The following UTP4 variants were observed in gnomAD, a reference collection of about 807,000 sequenced individuals.
The protein encoded by UTP4 is U3 small nucleolar RNA-associated protein 4 homolog.
Under a neutral mutation model 82.4 loss-of-function variants are expected in UTP4, and 45 were observed. The ratio of observed to expected loss-of-function variants is 0.55; its 90% confidence interval spans 0.43 to 0.70. UTP4 has a LOEUF of 0.70. Among genes scored for constraint, UTP4 ranks in the 30% least tolerant of loss-of-function variants. UTP4 has a pLI of 0.00. For synonymous variants in UTP4, 348 were observed against 300.3 expected (o/e 1.16, Z -1.64); for missense variants, 819 against 858.3 (o/e 0.95, Z 0.57).
At position 69,165,345 on chromosome 16, in the gene UTP4, T is replaced by G. The variant is rs1315630086; in HGVS notation, c.1652T>G (p.Phe551Cys). 6.2e-7 allele frequency: 1 copy of G among 1,614,014 alleles called. No individual in the cohort carries two copies. The highest frequency in any genetic ancestry group is 1.3e-5 in the African/African-American group (1 of 74,922). Residue 551 changes from phenylalanine (F) to cysteine (C), a missense_variant, in exon 15 of 17, where the codon TTT becomes TGT. Transcript: ENST00000314423. Reference protein sequence around the residue: ...LVIAHSDQQVFEYSIPDKQYT... With the variant: ...LVIAHSDQQVCEYSIPDKQYT... Reference sequence around the variant, plus strand: ...CTATGTCATGTCCTCCCTCAGGTATTTGAGTACAGCATCCCAGACAAACAG... The same window carrying G: ...CTATGTCATGTCCTCCCTCAGGTATGTGAGTACAGCATCCCAGACAAACAG...
intron 1 of UTP4, 78 bp from the exon 2 acceptor site, chr16:69,133,380 G>A (rs1962703097): frequency 7.2e-7 from 1 of 1,395,810 alleles, no homozygotes; most frequent in African/African-American, 1.4e-5. Context: ...CCAGAACAGT[G>A]ATATTAAGGA....
chr16:69,167,368 G>A, intron 16 of UTP4, 183 bp downstream of exon 16: 1 of 613,306 alleles, frequency 1.6e-6, no homozygotes, highest in East Asian at 2.8e-5. Flanking sequence ...TCTTGCCTTA[G>A]TAGGTTAGAG....
At chr16:69,147,015 AAAAAATAC>A (rs1221284593) in intron 6 of UTP4, among the ~76,000 whole-genome samples, 5 of 148,700 alleles carry the variant, frequency 3.4e-5, no homozygotes, top group African/African-American at 4.9e-5. Flanking sequence ...AAAAAAAAAA[AAAAAATAC>A]AAAAATTAGC....
chr16:69,146,935 G>A (rs1390002757), intron 6 of UTP4, among the ~76,000 whole-genome samples: 6 of 150,226 alleles, frequency 4.0e-5, no homozygotes, highest in African/African-American at 7.3e-5. Flanking sequence ...CCAGAGAGGC[G>A]GAGCTTGCAT....
chr16:69,151,009 C>CT (rs764679119), intron 8 of UTP4, 105 bp downstream of exon 8: 39,664 of 677,882 alleles, frequency 0.059, no homozygotes, highest in Middle Eastern at 0.077. Flanking sequence ...ATTTGTAGGA[C>CT]TTTTTTTTTT....
chr16:69,136,178 A>G (rs1303976754), intron 2 of UTP4, among the ~76,000 whole-genome samples: 1 of 152,254 alleles, frequency 6.6e-6, no homozygotes, highest in African/African-American at 2.4e-5. Context: ...GAAAAATTAT[A>G]CCTACTTAGT....
chr16:69,146,368 A>G (rs1284771756), intron 6 of UTP4, among the ~76,000 whole-genome samples: 4 of 152,076 alleles, frequency 2.6e-5, no homozygotes, highest in African/African-American at 9.7e-5. Flanking sequence ...TTCTGTTCCT[A>G]TGAATTTGCT....
chr16:69,143,506 A>G, intron 6 of UTP4, 117 bp downstream of exon 6: 2 of 923,626 alleles, frequency 2.2e-6, no homozygotes. Context: ...GTACTGGAGG[A>G]AGATGAGTTT....
chr16:69,135,465 C>A (rs944631466), intron 2 of UTP4, among the ~76,000 whole-genome samples: 6 of 152,010 alleles, frequency 3.9e-5, no homozygotes, highest in African/African-American at 1.5e-4. Context: ...GTAAACCCAG[C>A]GCTTTGGGAA....
At chr16:69,164,349 T>C (rs1408832078) in intron 14 of UTP4, among the ~76,000 whole-genome samples, 4 of 152,068 alleles carry the variant, frequency 2.6e-5, no homozygotes, top group Non-Finnish European at 5.9e-5. Flanking sequence ...CACCTTTTAC[T>C]GGCACTTAGT....
chr16:69,144,200 C>CT (rs774169593), intron 6 of UTP4, among the ~76,000 whole-genome samples: 3,020 of 140,592 alleles, frequency 0.021, 27 homozygotes, highest in Non-Finnish European at 0.028. Flanking sequence ...TTTTCTCTCT[C>CT]TTTTTTTTTT....
intron 14 of UTP4, among the ~76,000 whole-genome samples, chr16:69,164,607 T>TAG (rs1963653769): frequency 1.4e-5 from 2 of 139,146 alleles, no homozygotes; most frequent in South Asian, 2.1e-4. Flanking sequence ...TATATATATA[T>TAG]ATATATATGT....
Position 69,137,843 on chromosome 16 carries a change from C to T in UTP4, c.394C>T (p.Pro132Ser). ...ATCTGTGAAACTATTTCAAATTACCCCAGACAAAATCCAGTTTGAAAGAAA... is the reference window on the plus strand; with the variant it reads ...ATCTGTGAAACTATTTCAAATTACCTCAGACAAAATCCAGTTTGAAAGAAA... ...DGSVKLFQITPDKIQFERNFD... is the reference protein window; with the variant it reads ...DGSVKLFQITSDKIQFERNFD... Residue 132 changes from proline (P) to serine (S), a missense_variant, in exon 4 of 17, where the codon CCA becomes TCA. Physicochemically the swap from Pro to Ser is moderately conservative, Grantham distance 74. Coordinates refer to ENST00000314423, the MANE Select transcript of UTP4 (RefSeq NM_032830.3). The T allele has an allele frequency of 6.2e-7, 1 of 1,613,212 alleles. No individual in the cohort carries two copies. The highest frequency in any genetic ancestry group is 1.7e-5 in the Admixed American group (1 of 59,988).
chr16:69,150,452 C>T, intron 6 of UTP4, 85 bp from the exon 7 acceptor site: 1 of 1,453,564 alleles, frequency 6.9e-7, no homozygotes, highest in South Asian at 1.1e-5. Context: ...TACCCCTAAG[C>T]TGCTGAGACA....
chr16:69,151,662 T>C (rs1014104549), intron 8 of UTP4, among the ~76,000 whole-genome samples: 8 of 151,958 alleles, frequency 5.3e-5, no homozygotes, highest in African/African-American at 9.7e-5. Flanking sequence ...CATGGAGATA[T>C]TGTAGGACTT....
chr16:69,167,394 T>C (rs2152284953), intron 16 of UTP4: 1 of 568,148 alleles, frequency 1.8e-6, no homozygotes, highest in Non-Finnish European at 3.1e-6. Context: ...CACATCATAC[T>C]TAACCAAAAT....
intron 1 of UTP4, 87 bp downstream of exon 1, chr16:69,132,776 GCTCCTTGTCCCGAGGGT>G (rs922642995): frequency 3.4e-5 from 8 of 236,604 alleles, no homozygotes; most frequent in African/African-American, 9.6e-5. Flanking sequence ...GTCCGGCTGA[GCTCCTTGTCCCGAGGGT>G]CTCCTTGTCC....
intron 6 of UTP4, 100 bp downstream of exon 6, chr16:69,143,489 T>C: frequency 9.6e-7 from 1 of 1,043,774 alleles, no homozygotes. Flanking sequence ...TTCCTGATCC[T>C]GATGTTGTAC....
intron 5 of UTP4, among the ~76,000 whole-genome samples, chr16:69,142,497 TGA>T (rs1253858482): frequency 2.0e-5 from 3 of 152,228 alleles, no homozygotes; most frequent in African/African-American, 4.8e-5. Context: ...CATGGCTATC[TGA>T]GGGGTCTACC....
Sources: gnomAD v4.1 joint callset for allele counts (sites outside exome capture counted in the v4.1 genomes callset) on GRCh38, gnomAD v4.1.1 for gene constraint, MANE v1.5 for transcripts, NCBI Gene and HGNC (gene_info 2026-07-23, HGNC 2026-07-21) for gene names.